Variants in HDAC9 observed in about 807,000 individuals in gnomAD.
HDAC9 encodes the protein histone deacetylase 9.
A neutral mutation model predicts 139.4 loss-of-function variants in HDAC9; 41 were observed. The ratio of observed to expected loss-of-function variants is 0.29; its 90% CI spans 0.23 to 0.38. HDAC9 has a LOEUF of 0.38. HDAC9 is among the 10% of genes least tolerant of loss of function. The pLI is 1.00. For synonymous variants in HDAC9, 517 were observed against 476.2 expected (o/e 1.09, Z -1.12); for missense variants, 1,147 against 1,297.0 (o/e 0.88, Z 1.78).
At chr7:18,571,141 A>T (rs982612063) in intron 2 of HDAC9, among the ~76,000 whole-genome samples, 2 of 152,272 alleles carry the variant, frequency 1.3e-5, no homozygotes, top group African/African-American at 4.8e-5. Context: ...ATATGAGCAC[A>T]TTACATGAAT....
chr7:18,996,167 T>A lies in HDAC9; in HGVS notation c.*105T>A, dbSNP rs1786451532. On this transcript the variant is annotated 3_prime_UTR_variant, in exon 26 of 26. Transcript: ENST00000686413. ...TGTCTGCTGCCTGGGTGGCACAGAT[T>A]CAATGGAACATAAACACTGGGCACA... The A allele has an allele frequency of 2.6e-6, 2 of 782,842 alleles. No homozygotes were observed. Among genetic ancestry groups the A allele is most frequent in the South Asian group, 3.3e-5 (2 of 60,854 alleles). 48.5% of individuals were successfully genotyped at this position (782,842 alleles called of 1,614,324 possible). A position where few individuals can be genotyped will look rare whatever the true frequency, so the allele number is the denominator to read the frequency against.
intron 1 of HDAC9, among the ~76,000 whole-genome samples, chr7:18,323,313 C>A (rs899513302): frequency 6.6e-6 from 1 of 152,188 alleles, no homozygotes; most frequent in African/African-American, 2.4e-5. Flanking sequence ...AAGCTCTATT[C>A]TCTCTGTCAG....
rs576562596 is a variant in HDAC9 at position 18,134,228 on chromosome 7, T to C, written c.-96-28001T>C. On this transcript the variant is annotated intron_variant, in intron 1 of 12. Transcript: ENST00000417496. ...GAGCCTTGGTATTTCAGAGACTAAATTATCTTGTGGCTGAGTAATGCCAAG... is the reference window on the plus strand; with the variant it reads ...GAGCCTTGGTATTTCAGAGACTAAACTATCTTGTGGCTGAGTAATGCCAAG... Among the ~76,000 whole-genome samples the C allele has an allele frequency of 1.5e-3, 236 of 152,286 alleles. 2 individuals carry two copies. The highest frequency in any genetic ancestry group is 5.6e-3 in the African/African-American group (233 of 41,566).
At chr7:18,354,070 G>GA (rs1050290117) in intron 1 of HDAC9, among the ~76,000 whole-genome samples, 5 of 151,406 alleles carry the variant, frequency 3.3e-5, no homozygotes, top group South Asian at 2.1e-4. Context: ...GTTTTAAGGT[G>GA]AAAAAAAAGC....
intron 23 of HDAC9, among the ~76,000 whole-genome samples, chr7:18,940,254 CT>C (rs1781935156): frequency 6.6e-6 from 1 of 152,090 alleles, no homozygotes; most frequent in Non-Finnish European, 1.5e-5. Context: ...GCATTTTCTT[CT>C]TTTTAAATAT....
chr7:18,338,841 T>C (rs555465784), intron 1 of HDAC9, among the ~76,000 whole-genome samples: 1 of 151,528 alleles, frequency 6.6e-6, no homozygotes, highest in Non-Finnish European at 1.5e-5. Flanking sequence ...TTGGCATTAT[T>C]ATTATTTTTT....
intron 1 of HDAC9, among the ~76,000 whole-genome samples, chr7:18,432,843 C>T (rs563537060): frequency 1.1e-3 from 164 of 151,724 alleles, no homozygotes; most frequent in African/African-American, 3.6e-3. Flanking sequence ...CCCAGCTACT[C>T]GGGAGGCTGA....
chr7:18,886,534 G>GT (rs1379517306), intron 22 of HDAC9, among the ~76,000 whole-genome samples: 1 of 152,124 alleles, frequency 6.6e-6, no homozygotes, highest in Admixed American at 6.5e-5. Context: ...GATTGAGGCT[G>GT]TTTTTTTAAT....
chr7:18,666,306 G>C lies in HDAC9; in HGVS notation c.1561G>C (p.Asp521His). The part of the protein sequence containing the change: ...ELQGDQAMQE[D>H]RAPSSGNSTR... ...TCAGGGGGACCAGGCGATGCAGGAAGACAGAGCGCCCTCTAGTGGCAACAG... is the reference window on the plus strand; with the variant it reads ...TCAGGGGGACCAGGCGATGCAGGAACACAGAGCGCCCTCTAGTGGCAACAG... Residue 521 changes from aspartate (D) to histidine (H), a missense_variant, in exon 12 of 26, where the codon GAC becomes CAC. Physicochemically the swap from Asp to His is moderately conservative, Grantham distance 81. Transcript: ENST00000686413. The C allele has an allele frequency of 6.2e-7, 1 of 1,613,484 alleles. No individual in the cohort carries two copies. The highest frequency in any genetic ancestry group is 8.5e-7 in the Non-Finnish European group (1 of 1,179,602).
intron 1 of HDAC9, among the ~76,000 whole-genome samples, chr7:18,112,497 G>A (rs781448405): frequency 1.3e-5 from 2 of 152,174 alleles, no homozygotes; most frequent in Non-Finnish European, 2.9e-5. Flanking sequence ...ATGAGTAAGA[G>A]AAGTTCCGAT....
intron 1 of HDAC9, among the ~76,000 whole-genome samples, chr7:18,483,293 A>T (rs375974626): frequency 1.3e-5 from 2 of 152,316 alleles, no homozygotes; most frequent in East Asian, 3.9e-4. Context: ...ATCTTAAGCA[A>T]CTAGAAAGGA....
chr7:18,416,310 AAAC>A (rs1454129080), intron 1 of HDAC9, among the ~76,000 whole-genome samples: 1 of 152,104 alleles, frequency 6.6e-6, no homozygotes, highest in Non-Finnish European at 1.5e-5. Flanking sequence ...AAAAAACAAA[AAAC>A]AACAACAAAA....
chr7:18,853,247 A>T (rs1029509376), intron 21 of HDAC9, among the ~76,000 whole-genome samples: 3 of 152,174 alleles, frequency 2.0e-5, no homozygotes, highest in African/African-American at 7.2e-5. Context: ...TTAAATAAAT[A>T]TGTCCAGGAC....
At chr7:18,205,519 G>C (rs1459518491) in intron 2 of HDAC9, among the ~76,000 whole-genome samples, 5 of 151,992 alleles carry the variant, frequency 3.3e-5, no homozygotes, top group Admixed American at 2.6e-4. Flanking sequence ...CCAGAATGGA[G>C]AGATGAACAA....
chr7:18,773,212 A>C (rs776767035), intron 16 of HDAC9, among the ~76,000 whole-genome samples: 1 of 151,998 alleles, frequency 6.6e-6, no homozygotes, highest in East Asian at 1.9e-4. Flanking sequence ...AGAATACTTC[A>C]TTTTCTTATT....
chr7:18,602,124 A>T (rs1834117533), intron 6 of HDAC9, among the ~76,000 whole-genome samples: 1 of 151,290 alleles, frequency 6.6e-6, no homozygotes, highest in African/African-American at 2.4e-5. Flanking sequence ...TTAATTATTG[A>T]TTCATTTTCT....
chr7:18,367,108 T>C (rs1361149476), intron 1 of HDAC9, among the ~76,000 whole-genome samples: 1 of 152,110 alleles, frequency 6.6e-6, no homozygotes, highest in Non-Finnish European at 1.5e-5. Context: ...TCACAAGTAA[T>C]AGATGTTCAT....
intron 1 of HDAC9, among the ~76,000 whole-genome samples, chr7:18,119,630 T>G (rs1784235478): frequency 6.6e-6 from 1 of 152,190 alleles, no homozygotes; most frequent in South Asian, 2.1e-4. Context: ...GAAAACACAC[T>G]TGGATAGTGA....
rs577950166 is a variant in HDAC9, at chr7:18,380,909, G to T, written c.-42+90394G>T. On this transcript the variant is annotated intron_variant, in intron 1 of 3. Coordinates refer to the HDAC9 transcript ENST00000413509. ...TTTTGGGGAAAAACAAAAGATTAGG[G>T]CCAGGTGCTGTGGCTCATGCCTGTA... Among the ~76,000 whole-genome samples, 30 of 152,112 alleles carry T rather than the reference G, an allele frequency of 2.0e-4. 1 individual carries two copies. The South Asian group carries it at 5.6e-3, about 28-fold the overall frequency.
Sources: gnomAD v4.1 joint callset for allele counts (sites outside exome capture counted in the v4.1 genomes callset) on GRCh38, gnomAD v4.1.1 for gene constraint, MANE v1.5 for transcripts, NCBI Gene and HGNC (gene_info 2026-07-23, HGNC 2026-07-21) for gene names.